RGS7: variants seen among roughly 807,000 people sequenced by gnomAD.
RGS7 encodes the protein regulator of G-protein signaling 7.
A neutral mutation model predicts 81.1 loss-of-function variants in RGS7; 27 were observed. The observed-to-expected ratio is 0.33, with a 90% CI of 0.25 to 0.46. RGS7 has a LOEUF of 0.46. RGS7 is among the 20% of genes least tolerant of loss of function. RGS7 has a pLI of 1.00. For missense variants in RGS7, 396 were observed against 607.4 expected (o/e 0.65, Z 3.66); for synonymous variants, 208 against 207.7 (o/e 1.00, Z -0.01).
In RGS7 at chr1:240,806,313, C is replaced by A. The variant is rs1189398140; in HGVS notation, c.1096G>T (p.Val366Leu). The A allele has an allele frequency of 1.9e-6, 3 of 1,613,864 alleles. No homozygotes were observed. The highest frequency in any genetic ancestry group is 2.5e-6 in the Non-Finnish European group (3 of 1,179,866). The change falls in exon 15 of 19, where the codon GTG becomes TTG. Residue 366 changes from valine to leucine, a missense_variant. Physicochemically the swap from Val to Leu is conservative, Grantham distance 32. Transcript: ENST00000440928. Reference sequence around the variant, plus strand: ...ATAGGCCTCTTTTTCAGGTCCTCCACTGCCAGCCAGAATCTATGCAGAATG... The same window carrying A: ...ATAGGCCTCTTTTTCAGGTCCTCCAATGCCAGCCAGAATCTATGCAGAATG... ...SSENLRFWLA[V>L]EDLKKRPIKE...
At chr1:241,145,237 C>T (rs569743540) in intron 2 of RGS7, among the ~76,000 whole-genome samples, 2 of 152,074 alleles carry the variant, frequency 1.3e-5, no homozygotes, top group South Asian at 4.2e-4. Flanking sequence ...AGGCTGGTCT[C>T]GACCTCCTGC....
chr1:241,028,390 T>C (rs140662696), intron 3 of RGS7, among the ~76,000 whole-genome samples: 90 of 152,338 alleles, frequency 5.9e-4, no homozygotes, highest in African/African-American at 2.1e-3. Context: ...CATACAATTA[T>C]AGCTTGTGCC....
At position 240,879,737 on chromosome 1, in the gene RGS7, C is replaced by T. The variant is rs183267648; in HGVS notation, c.386-9618G>A. Among the ~76,000 whole-genome samples, 8 of 152,284 alleles carry T rather than the reference C, an allele frequency of 5.3e-5. No individual in the cohort carries two copies. The East Asian group carries it at 1.3e-3, about 26-fold the overall frequency. ...ACTGAACACTGCTTATTATTGCTTC[C>T]CTCCATAAATGATGGAGAAATTAGC... On this transcript the variant is annotated intron_variant, in intron 6 of 18. Transcript: ENST00000440928.
intron 2 of RGS7, among the ~76,000 whole-genome samples, chr1:241,261,367 C>T (rs2077323909): frequency 6.6e-6 from 1 of 151,728 alleles, no homozygotes; most frequent in South Asian, 2.1e-4. Flanking sequence ...AAAATGAGGG[C>T]AATGACACTT....
Position 240,816,410 on chromosome 1 carries a change from G to C in RGS7, c.690C>G (p.Val230=). The change falls in exon 11 of 19, where the codon GTC becomes GTG. Residue 230 remains valine (V), a synonymous_variant. Coordinates refer to ENST00000440928, the MANE Select transcript of RGS7 (RefSeq NM_001364886.1). ...TTCTAATATCATTTTGTAAACCATA[G>C]ACAGACTATATTAAAATAAAAAATA... ...MRNPHKTRKS[V]YGLQNDIRSH... is the part of the protein sequence containing the mutation. The C allele has an allele frequency of 6.3e-7, 1 of 1,578,324 alleles. No homozygotes were observed. Among genetic ancestry groups the C allele is most frequent in the Non-Finnish European group, 8.7e-7 (1 of 1,147,630 alleles).
At chr1:240,920,233 G>T (rs1673280624) in intron 6 of RGS7, 3 of 1,202,852 alleles carry the variant, frequency 2.5e-6, no homozygotes, top group Admixed American at 3.4e-5. Context: ...AGCCAAAGAG[G>T]TCGAAGTGGT....
chr1:240,960,214 C>CTTTTTTTTT (rs1558526618), intron 4 of RGS7, among the ~76,000 whole-genome samples: 22 of 2,572 alleles, frequency 8.6e-3, no homozygotes, highest in African/African-American at 0.024. Context: ...TCCTCTTCTT[C>CTTTTTTTTT]TTCTTTTTTT....
intron 2 of RGS7, among the ~76,000 whole-genome samples, chr1:241,287,732 C>T (rs180932553): frequency 7.0e-6 from 1 of 143,060 alleles, no homozygotes; most frequent in Non-Finnish European, 1.6e-5. Flanking sequence ...CACACACACA[C>T]ATTCAAACAC....
intron 2 of RGS7, among the ~76,000 whole-genome samples, chr1:241,252,610 A>C (rs2076887705): frequency 6.6e-6 from 1 of 152,140 alleles, no homozygotes; most frequent in South Asian, 2.1e-4. Flanking sequence ...TTTTTCCTGG[A>C]GGACCATAGA....
intron 2 of RGS7, among the ~76,000 whole-genome samples, chr1:241,333,653 T>C (rs941116038): frequency 1.3e-5 from 2 of 152,170 alleles, no homozygotes; most frequent in African/African-American, 4.8e-5. Context: ...TTACTACACA[T>C]AATGGTCATG....
At chr1:240,828,507 G>A (rs947764847) in intron 9 of RGS7, among the ~76,000 whole-genome samples, 1 of 152,140 alleles carries the variant, frequency 6.6e-6, no homozygotes, top group African/African-American at 2.4e-5. Flanking sequence ...AAAAAACATC[G>A]GCCAGGTGCG....
chr1:241,150,448 G>A (rs182691294), intron 2 of RGS7, among the ~76,000 whole-genome samples: 131 of 152,268 alleles, frequency 8.6e-4, no homozygotes, highest in African/African-American at 3.0e-3. Context: ...ATGACTCTGA[G>A]TCCCTCAGTC....
At chr1:240,777,016 C>T (rs369831215) in intron 18 of RGS7, among the ~76,000 whole-genome samples, 8 of 152,124 alleles carry the variant, frequency 5.3e-5, no homozygotes, top group African/African-American at 1.4e-4. Flanking sequence ...AATTTGAGAC[C>T]GGGCGCAGTG....
intron 10 of RGS7, among the ~76,000 whole-genome samples, chr1:240,826,683 C>A (rs534318361): frequency 6.6e-6 from 1 of 152,088 alleles, no homozygotes; most frequent in Admixed American, 6.6e-5. Context: ...CCCTGCACAC[C>A]GATATTCTCT....
At chr1:241,295,729 G>T (rs2079386233) in intron 2 of RGS7, among the ~76,000 whole-genome samples, 2 of 152,286 alleles carry the variant, frequency 1.3e-5, no homozygotes, top group East Asian at 1.9e-4. Context: ...AGAGATTCCG[G>T]AGTCGGCAAA....
chr1:240,894,290 A>C (rs35517952), intron 6 of RGS7, among the ~76,000 whole-genome samples: 19,421 of 152,038 alleles, frequency 0.13, 1,354 homozygotes, highest in Middle Eastern at 0.18. Context: ...ATTTTCACCA[A>C]CTGTAACTAG....
rs2068125779 is a variant in RGS7 at position 241,144,195 on chromosome 1, T to C, written c.79-45433A>G. Among the ~76,000 whole-genome samples the C allele has an allele frequency of 6.6e-6, 1 of 152,204 alleles. No homozygotes were observed. On this transcript the variant is annotated intron_variant, in intron 2 of 18. Coordinates refer to ENST00000440928, the MANE Select transcript of RGS7 (RefSeq NM_001364886.1). The surrounding 1 kb of genome is among the most constrained non-coding windows in gnomAD (Gnocchi z 4.7). ...TTTCAAACAGAGTACTTCTGGAAGC[T>C]GAACAACAGTGTCTCCTGTTAAAAA...
intron 2 of RGS7, among the ~76,000 whole-genome samples, chr1:241,184,716 C>T (rs1474737097): frequency 2.6e-5 from 4 of 152,068 alleles, no homozygotes; most frequent in Non-Finnish European, 2.9e-5. Flanking sequence ...ATTTAGGCCC[C>T]ATCCCCCAAG....
chr1:241,346,044 T>A (rs192213514), intron 2 of RGS7, among the ~76,000 whole-genome samples: 1 of 152,202 alleles, frequency 6.6e-6, no homozygotes, highest in East Asian at 1.9e-4. Context: ...ACTTAAATGT[T>A]TCTATTTTTC....
Sources: allele counts gnomAD v4.1 joint callset (sites outside exome capture counted in the v4.1 genomes callset), GRCh38; gene constraint gnomAD v4.1.1; non-coding constraint Gnocchi (gnomAD v3.1); transcripts MANE v1.5; gene names NCBI Gene and HGNC (gene_info 2026-07-23, HGNC 2026-07-21).